RXFP1: variants seen among roughly 807,000 people sequenced by gnomAD.
RXFP1 encodes relaxin family peptide receptor 1, also known as relaxin receptor 1.
In RXFP1, 73 loss-of-function variants were observed where a neutral mutation model predicts 89.8. The ratio of observed to expected loss-of-function variants is 0.81; its 90% CI spans 0.67 to 0.99. The LOEUF is 0.99. Among genes scored for constraint, RXFP1 ranks in the 50% least tolerant of loss-of-function variants. RXFP1 has a pLI of 0.00. For synonymous variants in RXFP1, 277 were observed against 305.5 expected (o/e 0.91, Z 0.97); for missense variants, 793 against 895.5 (o/e 0.89, Z 1.46).
chr4:158,568,219 C>T (rs541194222), intron 1 of RXFP1, among the ~76,000 whole-genome samples: 2 of 152,196 alleles, frequency 1.3e-5, no homozygotes, highest in Non-Finnish European at 2.9e-5. Context: ...ACTGTTAACA[C>T]TCAACGCGAG....
At chr4:158,566,846 C>T (rs1753670300) in intron 1 of RXFP1, among the ~76,000 whole-genome samples, 1 of 152,222 alleles carries the variant, frequency 6.6e-6, no homozygotes, top group Non-Finnish European at 1.5e-5. Context: ...TCTGGCCGGG[C>T]TTGAGGAGCC....
chr4:158,613,390 G>T (rs1027023298), intron 8 of RXFP1, among the ~76,000 whole-genome samples: 3 of 152,202 alleles, frequency 2.0e-5, no homozygotes, highest in Non-Finnish European at 2.9e-5. Flanking sequence ...ACCCACAAGA[G>T]AATTTCTTTC....
At chr4:158,608,139 A>G in intron 6 of RXFP1, 96 bp downstream of exon 6, 1 of 775,456 alleles carries the variant, frequency 1.3e-6, no homozygotes, top group South Asian at 1.7e-5. Context: ...TGACAGTACC[A>G]AGGAGCCATG....
In RXFP1 at chr4:158,580,938, C is replaced by T. The variant is rs1263828312; in HGVS notation, c.187+8103C>T. On this transcript the variant is annotated intron_variant, in intron 2 of 17. Coordinates refer to ENST00000307765, the MANE Select transcript of RXFP1 (RefSeq NM_021634.4). ...TCAGTCTTCTGAGTAGCTGGTATTA[C>T]AGGCACCTGCCACCACACCTGGCTA... Among the ~76,000 whole-genome samples, 4 of 152,252 alleles carry T rather than the reference C, an allele frequency of 2.6e-5. No homozygotes were observed. In the East Asian group the frequency reaches 7.7e-4, roughly 29 times the overall value.
chr4:158,608,778 A>G (rs1290277699), intron 6 of RXFP1, among the ~76,000 whole-genome samples: 1 of 152,050 alleles, frequency 6.6e-6, no homozygotes, highest in Non-Finnish European at 1.5e-5. Context: ...ATAATTCCTC[A>G]TATCTGTCTC....
Position 158,631,840 on chromosome 4 carries a change from C to G in RXFP1, c.900-1565C>G, listed in dbSNP as rs546744090. ...AGGCGCAGTGGCTCACATCTGTAAT[C>G]CCAGCACTTTGGGAGGCTGAGACGG... is the stretch of plus-strand genomic sequence containing the variant. On this transcript the variant is annotated intron_variant, in intron 11 of 17. Coordinates refer to ENST00000307765, the MANE Select transcript of RXFP1 (RefSeq NM_021634.4). Among the ~76,000 whole-genome samples the G allele has an allele frequency of 4.6e-5, 7 of 152,262 alleles. No individual in the cohort carries two copies. In the South Asian group the frequency reaches 6.2e-4, roughly 14 times the overall value.
intron 6 of RXFP1, among the ~76,000 whole-genome samples, chr4:158,609,555 T>G (rs1763174113): frequency 6.6e-6 from 1 of 152,220 alleles, no homozygotes; most frequent in African/African-American, 2.4e-5. Context: ...CCACCTATAC[T>G]GTTCTGTATC....
intron 1 of RXFP1, 129 bp from the exon 2 acceptor site, chr4:158,572,569 C>A (rs1242945779): frequency 2.5e-6 from 2 of 802,470 alleles, no homozygotes; most frequent in South Asian, 1.6e-5. Flanking sequence ...AAATAACTGG[C>A]ATCAGGGTTG....
rs1239980342 is a variant in RXFP1, at chr4:158,542,105, A to ATT, written c.49+20081_49+20082insTT. 2.3e-3 allele frequency among the ~76,000 whole-genome samples: 58 copies of ATT among 25,106 alleles called. 1 individual carries two copies. The highest frequency in any genetic ancestry group is 4.2e-3 in the African/African-American group (45 of 10,652). 16.5% of individuals were successfully genotyped at this position (25,106 alleles called of 152,430 possible). A position where few individuals can be genotyped will look rare whatever the true frequency, so the allele number is the denominator to read the frequency against. ...TATATATATATATATATATATATAT[A>ATT]TATATTTTTTTTTTAGTAGAGACAG... On this transcript the variant is annotated intron_variant, in intron 1 of 17. Coordinates refer to ENST00000307765, the MANE Select transcript of RXFP1 (RefSeq NM_021634.4).
intron 2 of RXFP1, among the ~76,000 whole-genome samples, chr4:158,580,860 C>T (rs1461067067): frequency 2.0e-5 from 3 of 152,134 alleles, no homozygotes; most frequent in Admixed American, 6.5e-5. Flanking sequence ...TGCAATGGCG[C>T]GATCTCAGCT....
At chr4:158,599,227 T>G in intron 3 of RXFP1, 99 bp from the exon 4 acceptor site, 1 of 1,567,130 alleles carries the variant, frequency 6.4e-7, no homozygotes, top group South Asian at 1.2e-5. Context: ...GCTTTTGTAC[T>G]AAATGATTTT....
At position 158,617,184 on chromosome 4, in the gene RXFP1, A is replaced by G. The variant is rs199893004; in HGVS notation, c.734A>G (p.His245Arg). ...TRLPDKPLCQHMPRLHWLDLE... is the reference protein window; with the variant it reads ...TRLPDKPLCQRMPRLHWLDLE... Reference sequence around the variant, plus strand: ...TTACCTGATAAACCTCTCTGTCAACACATGCCAAGACTACATTGGCTGTAA... The same window carrying G: ...TTACCTGATAAACCTCTCTGTCAACGCATGCCAAGACTACATTGGCTGTAA... The change falls in exon 9 of 18, where the codon CAC (histidine) becomes CGC (arginine). Residue 245 changes from histidine (H) to arginine (R), a missense_variant. Coordinates refer to ENST00000307765, the MANE Select transcript of RXFP1 (RefSeq NM_021634.4). 15 of 1,610,648 alleles carry G rather than the reference A, an allele frequency of 9.3e-6. No individual in the cohort carries two copies. The highest frequency in any genetic ancestry group is 6.7e-5 in the African/African-American group (5 of 74,706).
intron 17 of RXFP1, among the ~76,000 whole-genome samples, chr4:158,648,970 G>T (rs1772100666): frequency 6.6e-6 from 1 of 152,090 alleles, no homozygotes; most frequent in Non-Finnish European, 1.5e-5. Flanking sequence ...AAAACTAGCT[G>T]GGCATGGTGG....
At chr4:158,623,342 CAAAA>C (rs35034196) in intron 9 of RXFP1, among the ~76,000 whole-genome samples, 2 of 106,330 alleles carry the variant, frequency 1.9e-5, no homozygotes, top group African/African-American at 3.1e-5. Context: ...CTACTAAATA[CAAAA>C]AAAAAAAAAA....
chr4:158,617,288 G>A, intron 9 of RXFP1, 83 bp downstream of exon 9: 2 of 1,043,816 alleles, frequency 1.9e-6, no homozygotes, highest in Non-Finnish European at 1.4e-6. Context: ...GATTGTTTTA[G>A]TTTTTCTTAA....
At position 158,645,069 on chromosome 4, in the gene RXFP1, G is replaced by A. The variant is rs937558401; in HGVS notation, c.1276G>A (p.Val426Ile). 11 of 1,614,006 alleles carry A rather than the reference G, an allele frequency of 6.8e-6. No individual in the cohort carries two copies. Among genetic ancestry groups the A allele is most frequent in the African/African-American group, 1.3e-5 (1 of 74,934 alleles). ...AGTTACCTGCTTTGGAAACATTTTTGTCATTTGCATGCGACCTTATATCAG... is the reference window on the plus strand; with the variant it reads ...AGTTACCTGCTTTGGAAACATTTTTATCATTTGCATGCGACCTTATATCAG... ...SAVTCFGNIF[V>I]ICMRPYIRSE... The change falls in exon 15 of 18, where the codon GTC becomes ATC. Residue 426 changes from valine to isoleucine, a missense_variant. Val to Ile is a conservative substitution (Grantham distance 29). Transcript: ENST00000307765.
chr4:158,562,034 A>G (rs1388799152), intron 1 of RXFP1, among the ~76,000 whole-genome samples: 4 of 152,172 alleles, frequency 2.6e-5, no homozygotes, highest in Non-Finnish European at 5.9e-5. Context: ...TGCTGCTTAT[A>G]CACTTAAATT....
intron 15 of RXFP1, 66 bp from the exon 16 acceptor site, chr4:158,646,725 T>C: frequency 6.7e-7 from 1 of 1,482,718 alleles, no homozygotes; most frequent in Admixed American, 2.3e-5. Flanking sequence ...AAAAATATTA[T>C]TGCTTATTGA....
intron 10 of RXFP1, among the ~76,000 whole-genome samples, chr4:158,627,452 A>C (rs1045586899): frequency 6.6e-6 from 1 of 151,934 alleles, no homozygotes; most frequent in Non-Finnish European, 1.5e-5. Context: ...AATTGAATAG[A>C]TTATATCAGA....
Sources: allele counts gnomAD v4.1 joint callset (sites outside exome capture counted in the v4.1 genomes callset), GRCh38; gene constraint gnomAD v4.1.1; transcripts MANE v1.5; gene names NCBI Gene and HGNC (gene_info 2026-07-23, HGNC 2026-07-21).